CNNM2: variants seen among roughly 807,000 people sequenced by gnomAD.
CNNM2 encodes the protein cyclin and CBS domain divalent metal cation transport mediator 2.
Under a neutral mutation model 66.9 loss-of-function variants are expected in CNNM2, and 12 were observed. The observed-to-expected ratio is 0.18, with a 90% CI of 0.11 to 0.29. The LOEUF (loss-of-function observed/expected upper bound fraction) is 0.29. CNNM2 is among the 10% of genes least tolerant of loss of function. The pLI is 1.00. For synonymous variants in CNNM2, 557 were observed against 501.8 expected (o/e 1.11, Z -1.47); for missense variants, 705 against 1,167.7 (o/e 0.60, Z 5.77).
intron 1 of CNNM2, among the ~76,000 whole-genome samples, chr10:103,041,488 G>A (rs2065039751): frequency 6.6e-6 from 1 of 152,144 alleles, no homozygotes; most frequent in Non-Finnish European, 1.5e-5. Context: ...CCTAATGACA[G>A]GCCTTTTCTC....
intron 1 of CNNM2, among the ~76,000 whole-genome samples, chr10:102,926,945 C>CTGG (rs1845888612): frequency 6.6e-6 from 1 of 151,978 alleles, no homozygotes; most frequent in Non-Finnish European, 1.5e-5. Flanking sequence ...TCTTGAACTC[C>CTGG]TGGGCTCAAG....
At position 102,942,561 on chromosome 10, in the gene CNNM2, C is replaced by T. The variant is rs550860043; in HGVS notation, c.1621+22460C>T. Among the ~76,000 whole-genome samples, 15 of 152,272 alleles carry T rather than the reference C, an allele frequency of 9.9e-5. No individual in the cohort carries two copies. The South Asian group carries it at 3.1e-3, about 32-fold the overall frequency. ...ATGTGCCACATTTTGTTTATCCATTCGTCTGTTGATGGACATTTGAGTTGC... is the reference window on the plus strand; with the variant it reads ...ATGTGCCACATTTTGTTTATCCATTTGTCTGTTGATGGACATTTGAGTTGC... On this transcript the variant is annotated intron_variant, in intron 1 of 7. Transcript: ENST00000369878.
intron 1 of CNNM2, among the ~76,000 whole-genome samples, chr10:102,963,300 C>A (rs1259047568): frequency 6.6e-6 from 1 of 152,212 alleles, no homozygotes; most frequent in Non-Finnish European, 1.5e-5. Context: ...ACCACCACCC[C>A]CTTTCCTTGG....
At chr10:103,020,013 C>T (rs1159207659) in intron 1 of CNNM2, among the ~76,000 whole-genome samples, 2 of 152,140 alleles carry the variant, frequency 1.3e-5, no homozygotes, top group African/African-American at 4.8e-5. Flanking sequence ...TTCTCTACAA[C>T]GAACATGTGT....
chr10:102,934,391 C>T (rs1846164748), intron 1 of CNNM2, among the ~76,000 whole-genome samples: 1 of 151,364 alleles, frequency 6.6e-6, no homozygotes, highest in Admixed American at 6.6e-5. Flanking sequence ...AGCGATTCTC[C>T]TGCCTCAGCC....
intron 1 of CNNM2, among the ~76,000 whole-genome samples, chr10:103,020,788 C>T (rs1036443709): frequency 3.0e-5 from 4 of 134,618 alleles, no homozygotes; most frequent in African/African-American, 1.1e-4. Context: ...TGGGAAGGGG[C>T]GAAGGGCGCA....
chr10:103,030,559 AC>A (rs1176345058), intron 1 of CNNM2, among the ~76,000 whole-genome samples: 7 of 152,164 alleles, frequency 4.6e-5, no homozygotes, highest in Non-Finnish European at 7.3e-5. Context: ...TACTAAAAAT[AC>A]AAAAAATTAG....
At chr10:102,930,261 C>T (rs913640907) in intron 1 of CNNM2, among the ~76,000 whole-genome samples, 10 of 151,946 alleles carry the variant, frequency 6.6e-5, no homozygotes, top group South Asian at 4.2e-4. Flanking sequence ...ATTATTTGCA[C>T]GGAATATAGA....
chr10:102,988,508 T>A (rs1274555771), intron 1 of CNNM2, among the ~76,000 whole-genome samples: 1 of 152,098 alleles, frequency 6.6e-6, no homozygotes, highest in Non-Finnish European at 1.5e-5. Flanking sequence ...TTTTGACATG[T>A]CATTTTAAGA....
Position 102,934,646 on chromosome 10 carries a change from G to A in CNNM2, c.1621+14545G>A. Among the ~76,000 whole-genome samples the A allele has an allele frequency of 1.3e-5, 2 of 152,032 alleles. 1 individual carries two copies. Among genetic ancestry groups the A allele is most frequent in the Non-Finnish European group, 2.9e-5 (2 of 68,004 alleles). ...TGGCTTTTTATCAGTCTAGGGACTT[G>A]GGATTGGAGATAAGCACAGAAAGAC... On this transcript the variant is annotated intron_variant, in intron 1 of 7. Coordinates refer to ENST00000369878, the MANE Select transcript of CNNM2 (RefSeq NM_017649.5).
At chr10:103,068,554 G>A in intron 4 of CNNM2, 75 bp from the exon 5 acceptor site, 1 of 1,214,302 alleles carries the variant, frequency 8.2e-7, no homozygotes, top group Non-Finnish European at 1.2e-6. Flanking sequence ...ATCTAAGGAA[G>A]GACCAAATAT....
Position 103,083,168 on chromosome 10 carries a change from G to C in CNNM2, c.*5988G>C, listed in dbSNP as rs972280295. ...ATGCATTTGAGCAGTGAAGTTTTCT[G>C]AACACAGTATTCAGAGCTGTGTACA... On this transcript the variant is annotated 3_prime_UTR_variant, in exon 8 of 8. Coordinates refer to ENST00000369878, the MANE Select transcript of CNNM2 (RefSeq NM_017649.5). 4 of 152,114 alleles carry C rather than the reference G, an allele frequency of 2.6e-5. No homozygotes were observed. The highest frequency in any genetic ancestry group is 7.2e-5 in the African/African-American group (3 of 41,400). 9.4% of individuals were successfully genotyped at this position (152,114 alleles called of 1,614,324 possible). A position where few individuals can be genotyped will look rare whatever the true frequency, so the allele number is the denominator to read the frequency against.
intron 1 of CNNM2, among the ~76,000 whole-genome samples, chr10:102,955,406 A>G (rs1421134433): frequency 3.3e-5 from 5 of 152,234 alleles, no homozygotes; most frequent in African/African-American, 4.8e-5. Flanking sequence ...TGTTAGACCT[A>G]AAACCATAAA....
intron 1 of CNNM2, among the ~76,000 whole-genome samples, chr10:103,001,828 A>C (rs2134256651): frequency 6.7e-6 from 1 of 149,680 alleles, no homozygotes; most frequent in Middle Eastern, 3.4e-3. Context: ...AAATGGTGAA[A>C]CCCCCTGTAT....
intron 1 of CNNM2, among the ~76,000 whole-genome samples, chr10:103,024,840 G>A (rs995971017): frequency 6.6e-6 from 1 of 152,124 alleles, no homozygotes; most frequent in Non-Finnish European, 1.5e-5. Flanking sequence ...TTTGGGGCTT[G>A]TATGATTGTT....
chr10:102,993,262 A>G (rs1468133494), intron 1 of CNNM2, among the ~76,000 whole-genome samples: 1 of 152,142 alleles, frequency 6.6e-6, no homozygotes, highest in Admixed American at 6.5e-5. Flanking sequence ...AATATTTCCC[A>G]TGGTCAGAGT....
intron 1 of CNNM2, among the ~76,000 whole-genome samples, chr10:103,009,268 T>G (rs2064289854): frequency 6.6e-6 from 1 of 151,602 alleles, no homozygotes; most frequent in Non-Finnish European, 1.5e-5. Flanking sequence ...AGATTGAAAC[T>G]CCGTCTCAAA....
chr10:103,040,139 C>T (rs531014758), intron 1 of CNNM2, among the ~76,000 whole-genome samples: 16 of 152,086 alleles, frequency 1.1e-4, no homozygotes, highest in African/African-American at 3.6e-4. Context: ...TGCAGTTCAG[C>T]CTGCTTAACA....
Position 103,088,661 on chromosome 10 carries a change from A to T in CNNM2, c.*11481A>T, listed in dbSNP as rs180818305. On this transcript the variant is annotated 3_prime_UTR_variant, in exon 8 of 8. Transcript: ENST00000369878. ...CTCGGCCTCCCAAAGTGCTGGGATT[A>T]CAGGCGTGAGCCGCCGTGCCTGGCC... 349 of 172,152 alleles carry T rather than the reference A, an allele frequency of 2.0e-3. 3 individuals are homozygous for T. The highest frequency in any genetic ancestry group is 7.7e-3 in the African/African-American group (327 of 42,204). The allele number at this position is 172,152 out of a possible 1,614,324, so 10.7% of individuals were successfully genotyped here. A position where few individuals can be genotyped will look rare whatever the true frequency, so the allele number is the denominator to read the frequency against.
Sources: allele counts gnomAD v4.1 joint callset (sites outside exome capture counted in the v4.1 genomes callset), GRCh38; gene constraint gnomAD v4.1.1; transcripts MANE v1.5; gene names NCBI Gene and HGNC (gene_info 2026-07-23, HGNC 2026-07-21).